CR1L: variants seen among roughly 807,000 people sequenced by gnomAD.
CR1L encodes the protein complement C3b/C4b receptor 1 like.
Under a neutral mutation model 62.3 loss-of-function variants are expected in CR1L, and 59 were observed. That is an observed-to-expected ratio of 0.95 (90% confidence interval 0.77 to 1.18). CR1L has a LOEUF of 1.18. Ranked by LOEUF, CR1L falls within the 50% of genes most tolerant of loss-of-function variation. CR1L has a pLI of 0.00. For missense variants in CR1L, 700 were observed against 702.8 expected, an observed-to-expected ratio of 1.00 and a Z score of 0.04; for synonymous variants, 279 against 248.7, an observed-to-expected ratio of 1.12 and a Z score of -1.15.
At position 207,710,825 on chromosome 1, in the gene CR1L, T is replaced by A. The variant is rs554850348; in HGVS notation, c.1414+2562T>A. 2.7e-6 allele frequency: 4 copies of A among 1,479,758 alleles called. No individual in the cohort carries two copies. The South Asian group carries it at 3.4e-5, about 13-fold the overall frequency. The allele number at this position is 1,479,758 out of a possible 1,614,324, so 91.7% of individuals were successfully genotyped here. A position where few individuals can be genotyped will look rare whatever the true frequency, so the allele number is the denominator to read the frequency against. ...GCCTAGAAGGGCCCTGCAAGTGACA[T>A]GCATTGCTGTTGGATCAGGAGATGA... On this transcript the variant is annotated intron_variant, in intron 10 of 11. Transcript: ENST00000508064.
chr1:207,662,444 A>G (rs906788195), intron 1 of CR1L, among the ~76,000 whole-genome samples: 1 of 152,204 alleles, frequency 6.6e-6, no homozygotes, highest in African/African-American at 2.4e-5. Flanking sequence ...TGAATCAGCT[A>G]CTGAGGCTTG....
At chr1:207,710,235 T>C in intron 10 of CR1L, 1 of 576,316 alleles carries the variant, frequency 1.7e-6, no homozygotes, top group South Asian at 1.9e-5. Context: ...TCCCAGCTAC[T>C]CGGGAGGTTG....
At chr1:207,708,156 A>G in intron 9 of CR1L, 22 bp from the exon 10 acceptor site, 1 of 1,609,034 alleles carries the variant, frequency 6.2e-7, no homozygotes, top group Non-Finnish European at 8.5e-7. Context: ...CAGCACAATT[A>G]TTTTCCATTT....
At chr1:207,669,475 C>T in intron 1 of CR1L, 1 of 1,543,726 alleles carries the variant, frequency 6.5e-7, no homozygotes. Flanking sequence ...AAGCCGGGAG[C>T]CTGTTGGGCA....
At chr1:207,713,315 T>C (rs1300842129) in intron 10 of CR1L, among the ~76,000 whole-genome samples, 1 of 152,248 alleles carries the variant, frequency 6.6e-6, no homozygotes, top group Non-Finnish European at 1.5e-5. Flanking sequence ...AAGGTTGTTT[T>C]AGGAAACTTA....
chr1:207,710,890 G>T, intron 10 of CR1L: 2 of 1,160,120 alleles, frequency 1.7e-6, no homozygotes, highest in Non-Finnish European at 2.5e-6. Flanking sequence ...GAGGAGGGTG[G>T]GAAAGTAAGT....
At position 207,653,814 on chromosome 1, in the gene CR1L, G is replaced by A. The variant is rs1235988326; in HGVS notation, c.97+8484G>A. Among the ~76,000 whole-genome samples the A allele has an allele frequency of 2.0e-4, 30 of 152,256 alleles. 1 individual carries two copies. Among genetic ancestry groups the A allele is most frequent in the South Asian group, 1.5e-3 (7 of 4,814 alleles). ...ATTTTCTATTGCTATAACACAATAC[G>A]TGAGACTAGATAATTCATAAAGAAA... On this transcript the variant is annotated intron_variant, in intron 1 of 11. Coordinates refer to ENST00000508064, the MANE Select transcript of CR1L (RefSeq NM_175710.2).
In CR1L at chr1:207,708,663, C is replaced by G. The variant is rs563040620; in HGVS notation, c.1414+400C>G. Among the ~76,000 whole-genome samples the G allele has an allele frequency of 6.6e-5, 10 of 152,348 alleles. No homozygotes were observed. The South Asian group carries it at 2.1e-3, about 32-fold the overall frequency. ...CAAGCCATGCAGCTCTTTCTTCCTT[C>G]TTATTCTTTGTCTAAACAGGATCAT... On this transcript the variant is annotated intron_variant, in intron 10 of 11. Transcript: ENST00000508064.
At chr1:207,658,307 G>GAA (rs111734608) in intron 1 of CR1L, 114,667 of 149,232 alleles carry the variant, frequency 0.77, 44,253 homozygotes, top group East Asian at 0.95. Flanking sequence ...ACTGAGAAGA[G>GAA]AAAAAAAAAT....
At chr1:207,650,074 T>C (rs1293028585) in intron 1 of CR1L, among the ~76,000 whole-genome samples, 1 of 152,082 alleles carries the variant, frequency 6.6e-6, no homozygotes, top group East Asian at 1.9e-4. Context: ...CCTTTGTTGT[T>C]TGAGCTAGAG....
chr1:207,684,022 A>C (rs1663850289), intron 4 of CR1L, 65 bp downstream of exon 4: 1 of 1,488,128 alleles, frequency 6.7e-7, no homozygotes. Context: ...TGGAATAATA[A>C]AAATCTTAAC....
chr1:207,707,110 G>C (rs1235961096), intron 9 of CR1L, among the ~76,000 whole-genome samples: 1 of 151,990 alleles, frequency 6.6e-6, no homozygotes, highest in Non-Finnish European at 1.5e-5. Flanking sequence ...ATTCCTAATT[G>C]GAAAAAATAT....
At chr1:207,709,136 G>A in intron 10 of CR1L, 1 of 208,350 alleles carries the variant, frequency 4.8e-6, no homozygotes, top group Non-Finnish European at 9.7e-6. Context: ...AGGTGTGGTG[G>A]CTCACACCTG....
intron 1 of CR1L, among the ~76,000 whole-genome samples, chr1:207,648,655 C>T (rs1020640386): frequency 2.0e-5 from 3 of 152,118 alleles, no homozygotes; most frequent in African/African-American, 7.2e-5. Flanking sequence ...GGACAAAACC[C>T]CCGATCTCCT....
chr1:207,646,641 GAGA>G (rs1284018937), intron 1 of CR1L, among the ~76,000 whole-genome samples: 1 of 139,260 alleles, frequency 7.2e-6, no homozygotes, highest in Admixed American at 8.1e-5. Context: ...AGCCCAGGAG[GAGA>G]AGACTGCAGT....
At chr1:207,699,996 A>G (rs1000432161) in intron 8 of CR1L, among the ~76,000 whole-genome samples, 2 of 152,214 alleles carry the variant, frequency 1.3e-5, no homozygotes, top group African/African-American at 4.8e-5. Context: ...GTACCTAAAT[A>G]ATTTATGCTG....
chr1:207,658,627 T>A (rs974334857), intron 1 of CR1L: 1 of 152,546 alleles, frequency 6.6e-6, no homozygotes, highest in African/African-American at 2.4e-5. Context: ...CAGGATGGGA[T>A]GTGGTGAACA....
In CR1L at chr1:207,694,527, A is replaced by T. The variant is rs1664042324; in HGVS notation, c.638A>T (p.Gln213Leu). Reference protein sequence around the residue: ...PSIYCTSKDDQVGIWSGPAPQ... With the variant: ...PSIYCTSKDDLVGIWSGPAPQ... ...ATATACTGCACCAGCAAAGATGATC[A>T]AGTGGGCATCTGGAGTGGCCCAGCC... is the stretch of plus-strand genomic sequence containing the variant. Residue 213 changes from glutamine to leucine, a missense_variant, in exon 5 of 12, where the codon CAA (glutamine) becomes CTA (leucine). Physicochemically the swap from Gln to Leu is moderately radical, Grantham distance 113. Transcript: ENST00000508064. 1 of 1,613,290 alleles carries T rather than the reference A, an allele frequency of 6.2e-7. No homozygotes were observed. Among genetic ancestry groups the T allele is most frequent in the Non-Finnish European group, 8.5e-7 (1 of 1,179,848 alleles).
chr1:207,674,365 A>T (rs1428189298), intron 1 of CR1L, among the ~76,000 whole-genome samples: 3 of 152,216 alleles, frequency 2.0e-5, no homozygotes, highest in Admixed American at 2.0e-4. Flanking sequence ...TAATAAAGCT[A>T]TAAAAACTTT....
Sources: gnomAD v4.1 joint callset for allele counts (sites outside exome capture counted in the v4.1 genomes callset) on GRCh38, gnomAD v4.1.1 for gene constraint, MANE v1.5 for transcripts, NCBI Gene and HGNC (gene_info 2026-07-23, HGNC 2026-07-21) for gene names.